Variants in GALNTL5 observed in about 807,000 individuals in gnomAD.
GALNTL5 encodes polypeptide N-acetylgalactosaminyltransferase like 5.
In GALNTL5, 44 loss-of-function variants were observed where a neutral mutation model predicts 51.0. The ratio of observed to expected loss-of-function variants is 0.86; its 90% CI spans 0.68 to 1.11. The LOEUF is 1.11. Among genes scored for constraint, GALNTL5 ranks in the 50% least tolerant of loss-of-function variants. The pLI is 0.00. For missense variants in GALNTL5, 528 were observed against 531.8 expected, an observed-to-expected ratio of 0.99 and a Z score of 0.07; for synonymous variants, 192 against 182.8, an observed-to-expected ratio of 1.05 and a Z score of -0.41.
chr7:151,971,140 A>AGATAGAG, intron 3 of GALNTL5, 75 bp downstream of exon 3: 1 of 608,996 alleles, frequency 1.6e-6, no homozygotes, highest in South Asian at 1.9e-5. Context: ...GATAGATAGA[A>AGATAGAG]AGAAAACAGT....
chr7:151,984,260 C>T (rs1409807219), intron 4 of GALNTL5: 1 of 152,152 alleles, frequency 6.6e-6, no homozygotes, highest in African/African-American at 2.4e-5. Context: ...CACTAGTTAA[C>T]TACACTTAGA....
intron 5 of GALNTL5, among the ~76,000 whole-genome samples, chr7:151,987,546 C>A (rs990115482): frequency 1.5e-5 from 2 of 136,352 alleles, no homozygotes. Flanking sequence ...TTCCCCAGTA[C>A]AAACTCTGAA....
intron 8 of GALNTL5, 78 bp from the exon 9 acceptor site, chr7:152,019,568 T>C (rs2081863127): frequency 7.3e-7 from 1 of 1,365,978 alleles, no homozygotes; most frequent in East Asian, 2.3e-5. Flanking sequence ...AATACATGCG[T>C]CTATGTTAGA....
intron 5 of GALNTL5, among the ~76,000 whole-genome samples, chr7:151,987,805 C>A (rs1157947523): frequency 6.6e-6 from 1 of 152,228 alleles, no homozygotes; most frequent in Admixed American, 6.5e-5. Flanking sequence ...TATCTTGAAG[C>A]GCTTCAGACA....
At chr7:152,015,649 G>A (rs1285455121) in intron 8 of GALNTL5, among the ~76,000 whole-genome samples, 1 of 152,038 alleles carries the variant, frequency 6.6e-6, no homozygotes, top group Admixed American at 6.6e-5. Flanking sequence ...GTGAGCCACC[G>A]TACCCGGCCC....
chr7:152,019,823 T>C lies in GALNTL5; in HGVS notation c.*22T>C, dbSNP rs752739597. On this transcript the variant is annotated 3_prime_UTR_variant, in exon 9 of 9. Coordinates refer to ENST00000392800, the MANE Select transcript of GALNTL5 (RefSeq NM_145292.4). ...GTGAAAGGAAAACAAATCACTTTCA[T>C]TAATAAAGGGTTAAAAGTCTCCTAG... 1 of 1,593,932 alleles carries C rather than the reference T, an allele frequency of 6.3e-7. No homozygotes were observed. Among genetic ancestry groups the C allele is most frequent in the South Asian group, 1.1e-5 (1 of 88,930 alleles).
chr7:151,970,907 G>A (rs1469425067), intron 2 of GALNTL5, 38 bp from the exon 3 acceptor site: 1 of 1,539,668 alleles, frequency 6.5e-7, no homozygotes, highest in South Asian at 1.2e-5. Flanking sequence ...CTGCTAGTAA[G>A]CCTTTACTTA....
At chr7:152,000,696 C>A (rs866748645) in intron 5 of GALNTL5, among the ~76,000 whole-genome samples, 1 of 152,170 alleles carries the variant, frequency 6.6e-6, no homozygotes, top group Non-Finnish European at 1.5e-5. Flanking sequence ...TTTTCACATG[C>A]TCATCAGCCA....
In GALNTL5 at chr7:151,987,267, C is replaced by T; in HGVS notation, c.644C>T (p.Ala215Val). ...EGLIRARLIG[A>V]SHASGDVLVF... ...CTGATTCGAGCAAGGCTGATTGGAGCTTCTCATGCTTCAGGTAGGAACATT... is the reference window on the plus strand; with the variant it reads ...CTGATTCGAGCAAGGCTGATTGGAGTTTCTCATGCTTCAGGTAGGAACATT... The change falls in exon 5 of 9, where the codon GCT (alanine) becomes GTT (valine). Residue 215 changes from alanine to valine, a missense_variant. Ala to Val is a moderately conservative substitution (Grantham distance 64, BLOSUM62 0). Coordinates refer to ENST00000392800, the MANE Select transcript of GALNTL5 (RefSeq NM_145292.4). The T allele has an allele frequency of 3.2e-6, 5 of 1,577,550 alleles. No homozygotes were observed. Among genetic ancestry groups the T allele is most frequent in the Admixed American group, 2.0e-5 (1 of 50,156 alleles).
rs117257151 is a variant in GALNTL5 at position 152,003,354 on chromosome 7, C to G, written c.908+391C>G. On this transcript the variant is annotated intron_variant, in intron 6 of 8. Transcript: ENST00000392800. ...CATGTACAGTTGCACCAGCTGTGCA[C>G]TGCACATCTCCAGGAGATACTGTTC... 1.7e-3 allele frequency among the ~76,000 whole-genome samples: 258 copies of G among 152,308 alleles called. 6 individuals carry two copies. The East Asian group carries it at 0.042, about 25-fold the overall frequency.
At chr7:151,999,894 C>A (rs561369379) in intron 5 of GALNTL5, among the ~76,000 whole-genome samples, 1 of 152,016 alleles carries the variant, frequency 6.6e-6, no homozygotes, top group Non-Finnish European at 1.5e-5. Context: ...AGACTGACCA[C>A]GATAAAGATA....
At chr7:151,987,123 C>A (rs767153358) in intron 4 of GALNTL5, 36 bp from the exon 5 acceptor site, 33 of 1,533,750 alleles carry the variant, frequency 2.2e-5, no homozygotes, top group Non-Finnish European at 2.2e-5. Context: ...CTATAGTTGC[C>A]GTTTATACAT....
In GALNTL5 at chr7:152,014,926, A is replaced by T. The variant is rs562915922; in HGVS notation, c.1176+133A>T. The T allele has an allele frequency of 2.3e-5, 17 of 743,072 alleles. No homozygotes were observed. The Admixed American group carries it at 4.2e-4, about 18-fold the overall frequency. 46.0% of individuals were successfully genotyped at this position (743,072 alleles called of 1,614,324 possible). A position where few individuals can be genotyped will look rare whatever the true frequency, so the allele number is the denominator to read the frequency against. On this transcript the variant is annotated intron_variant, in intron 8 of 8. Transcript: ENST00000392800. ...ATTATCCTAAGCAAATTAACACAGG[A>T]ACGGAAAACCAAATACTGCATGTTC...
At chr7:152,005,044 C>T (rs752606467) in intron 6 of GALNTL5, among the ~76,000 whole-genome samples, 65 of 152,308 alleles carry the variant, frequency 4.3e-4, no homozygotes, top group Non-Finnish European at 8.4e-4. Context: ...TTTTCCACAG[C>T]GGTTGTACTA....
intron 5 of GALNTL5, among the ~76,000 whole-genome samples, chr7:152,002,492 A>G (rs1264034228): frequency 6.6e-6 from 1 of 152,030 alleles, no homozygotes; most frequent in East Asian, 1.9e-4. Context: ...CCACTCTCTA[A>G]CCCACAATTA....
chr7:152,010,089 A>T (rs773073973), intron 7 of GALNTL5, among the ~76,000 whole-genome samples: 2 of 152,124 alleles, frequency 1.3e-5, no homozygotes, highest in Non-Finnish European at 2.9e-5. Context: ...GGGTGCTAAA[A>T]TACAGTGGCA....
At chr7:151,998,595 A>G (rs2081529587) in intron 5 of GALNTL5, among the ~76,000 whole-genome samples, 1 of 152,108 alleles carries the variant, frequency 6.6e-6, no homozygotes, top group African/African-American at 2.4e-5. Flanking sequence ...AACACGGTGA[A>G]ACCCCATCTC....
intron 5 of GALNTL5, among the ~76,000 whole-genome samples, chr7:151,992,360 A>G (rs759892019): frequency 2.7e-4 from 41 of 152,234 alleles, no homozygotes; most frequent in Non-Finnish European, 5.1e-4. Context: ...TTAAAACAAC[A>G]GAAATTCATT....
At chr7:152,008,727 GTTGTTTGT>G (rs139916189) in intron 7 of GALNTL5, among the ~76,000 whole-genome samples, 29 of 151,150 alleles carry the variant, frequency 1.9e-4, no homozygotes, top group Middle Eastern at 3.4e-3. Context: ...TGTTGTTTTT[GTTGTTTGT>G]TTGTTTGTTT....
Sources: gnomAD v4.1 joint callset for allele counts (sites outside exome capture counted in the v4.1 genomes callset) on GRCh38, gnomAD v4.1.1 for gene constraint, MANE v1.5 for transcripts, NCBI Gene and HGNC (gene_info 2026-07-23, HGNC 2026-07-21) for gene names.